Variants in HDDC2 observed in about 807,000 individuals in gnomAD.
The protein encoded by HDDC2 is HD domain containing 2.
Under a neutral mutation model 25.5 loss-of-function variants are expected in HDDC2, and 25 were observed. The observed-to-expected ratio is 0.98, with a 90% CI of 0.72 to 1.37. The LOEUF (loss-of-function observed/expected upper bound fraction) is 1.37. Among genes scored for constraint, HDDC2 ranks in the 40% most tolerant of loss-of-function variants. The probability of loss-of-function intolerance (pLI) is 0.00; values close to 1 mark genes in which losing one functional copy is unlikely to be tolerated. For synonymous variants in HDDC2, 106 were observed against 89.7 expected (o/e 1.18, Z -1.03); for missense variants, 264 against 253.1 (o/e 1.04, Z -0.29).
intron 5 of HDDC2, 152 bp from the exon 6 acceptor site, chr6:125,276,395 G>C (rs371969042): frequency 1.6e-6 from 1 of 615,842 alleles, no homozygotes; most frequent in Non-Finnish European, 2.9e-6. Context: ...CAGGTCCTGG[G>C]AAGGGGCTGA....
At chr6:125,278,779 T>A (rs1798412019) in intron 4 of HDDC2, 1 of 152,220 alleles carries the variant, frequency 6.6e-6, no homozygotes, top group African/African-American at 2.4e-5. Context: ...TATAGGAATC[T>A]GGTCTAAGAC....
intron 4 of HDDC2, chr6:125,279,004 G>C (rs891064688): frequency 6.6e-6 from 1 of 152,114 alleles, no homozygotes; most frequent in Non-Finnish European, 1.5e-5. Context: ...ACAAAAACTG[G>C]GAGACATGAC....
In HDDC2 at chr6:125,293,993, G is replaced by A. The variant is rs539332755; in HGVS notation, c.310-1084C>T. On this transcript the variant is annotated intron_variant, in intron 3 of 5. Coordinates refer to ENST00000398153, the MANE Select transcript of HDDC2 (RefSeq NM_016063.3). Reference sequence around the variant, plus strand: ...GTACTTTCTGGTCTCAAAGATCCCAGGAGCTACCCTTATCCTCCAGTCTTC... The same window carrying A: ...GTACTTTCTGGTCTCAAAGATCCCAAGAGCTACCCTTATCCTCCAGTCTTC... Among the ~76,000 whole-genome samples, 10 of 152,282 alleles carry A rather than the reference G, an allele frequency of 6.6e-5. No homozygotes were observed. In the East Asian group the frequency reaches 1.9e-3, roughly 29 times the overall value.
At chr6:125,290,328 G>C (rs1286126575) in intron 4 of HDDC2, among the ~76,000 whole-genome samples, 2 of 152,194 alleles carry the variant, frequency 1.3e-5, no homozygotes, top group Non-Finnish European at 2.9e-5. Flanking sequence ...TTGAGGCACA[G>C]AGAGATTAAT....
At chr6:125,278,002 T>C (rs960796492) in intron 4 of HDDC2, 3 of 152,192 alleles carry the variant, frequency 2.0e-5, no homozygotes, top group African/African-American at 7.2e-5. Context: ...ATTAATACTA[T>C]ATAGATTCAT....
chr6:125,276,435 A>T, intron 5 of HDDC2, 192 bp from the exon 6 acceptor site: 1 of 574,674 alleles, frequency 1.7e-6, no homozygotes. Flanking sequence ...ACGCTCTGTC[A>T]CCCCAGGTGC....
chr6:125,282,915 G>C (rs998377563), intron 4 of HDDC2, among the ~76,000 whole-genome samples: 2 of 152,150 alleles, frequency 1.3e-5, no homozygotes, highest in African/African-American at 4.8e-5. Context: ...AAAAGACAAA[G>C]AAGGGCATTA....
At position 125,301,852 on chromosome 6, in the gene HDDC2, G is replaced by C; in HGVS notation, c.81C>G (p.Leu27=). 6.5e-7 allele frequency: 1 copy of C among 1,543,408 alleles called. No homozygotes were observed. Among genetic ancestry groups the C allele is most frequent in the Non-Finnish European group, 8.7e-7 (1 of 1,146,462 alleles). ...LLQFLRLVGQ[L]KRVPRTGWVY... ...TCCCGGCCTGGTGCCCGCTCACCTT[G>C]AGCTGCCCTACCAGCCGCAGGAACT... The change falls in exon 1 of 6, where the codon CTC becomes CTG. Residue 27 remains leucine (L), a synonymous_variant. Transcript: ENST00000398153.
At chr6:125,278,965 T>C (rs892517612) in intron 4 of HDDC2, 4 of 152,094 alleles carry the variant, frequency 2.6e-5, no homozygotes, top group African/African-American at 9.7e-5. Context: ...AGACAAAACC[T>C]GACACAGCAA....
intron 4 of HDDC2, among the ~76,000 whole-genome samples, chr6:125,290,754 G>C (rs925233552): frequency 6.6e-6 from 1 of 152,214 alleles, no homozygotes; most frequent in Non-Finnish European, 1.5e-5. Flanking sequence ...TGCTTTTGGA[G>C]AGAAATCTTT....
chr6:125,301,111 G>GCTAC (rs1290279262), intron 1 of HDDC2, among the ~76,000 whole-genome samples: 1 of 152,144 alleles, frequency 6.6e-6, no homozygotes, highest in African/African-American at 2.4e-5. Context: ...ATTGCTTGAT[G>GCTAC]CTACCAGCCG....
At chr6:125,300,405 T>C in intron 2 of HDDC2, 133 bp downstream of exon 2, 3 of 1,089,492 alleles carry the variant, frequency 2.8e-6, no homozygotes, top group Non-Finnish European at 3.8e-6. Flanking sequence ...TAAATTTGTA[T>C]GGTTTGCTTC....
At chr6:125,276,404 G>GA in intron 5 of HDDC2, 161 bp from the exon 6 acceptor site, 1 of 606,756 alleles carries the variant, frequency 1.6e-6, no homozygotes, top group South Asian at 2.0e-5. Flanking sequence ...GGAAGGGGCT[G>GA]AAGGGGACCA....
At chr6:125,285,574 A>G (rs1334901672) in intron 4 of HDDC2, among the ~76,000 whole-genome samples, 3 of 152,096 alleles carry the variant, frequency 2.0e-5, no homozygotes, top group Non-Finnish European at 2.9e-5. Context: ...CAACATACAG[A>G]TACAGAAGAG....
intron 3 of HDDC2, among the ~76,000 whole-genome samples, chr6:125,296,349 A>AT: frequency 6.6e-6 from 1 of 152,080 alleles, no homozygotes; most frequent in African/African-American, 2.4e-5. Flanking sequence ...GGACCACTGT[A>AT]TTTTTTCTCC....
intron 3 of HDDC2, among the ~76,000 whole-genome samples, chr6:125,294,246 GAAAAT>G (rs1444170314): frequency 6.6e-6 from 1 of 152,148 alleles, no homozygotes; most frequent in Non-Finnish European, 1.5e-5. Flanking sequence ...GGAAAGCAGT[GAAAAT>G]AAAATTGGAC....
chr6:125,294,617 A>G (rs1217649779), intron 3 of HDDC2, among the ~76,000 whole-genome samples: 4 of 152,250 alleles, frequency 2.6e-5, no homozygotes, highest in African/African-American at 9.6e-5. Flanking sequence ...AATGAACTAA[A>G]TCATATGTAC....
At chr6:125,283,445 G>C (rs1455805538) in intron 4 of HDDC2, among the ~76,000 whole-genome samples, 1 of 152,156 alleles carries the variant, frequency 6.6e-6, no homozygotes, top group Non-Finnish European at 1.5e-5. Context: ...AACTCCTTAA[G>C]GTGATAAGCA....
At chr6:125,296,479 T>C (rs908565981) in intron 3 of HDDC2, among the ~76,000 whole-genome samples, 1 of 152,206 alleles carries the variant, frequency 6.6e-6, no homozygotes, top group Non-Finnish European at 1.5e-5. Context: ...TCTTAATGCA[T>C]GGTTCAGACA....
Sources: gnomAD v4.1 joint callset for allele counts (sites outside exome capture counted in the v4.1 genomes callset) on GRCh38, gnomAD v4.1.1 for gene constraint, MANE v1.5 for transcripts, NCBI Gene and HGNC (gene_info 2026-07-23, HGNC 2026-07-21) for gene names.